The following PSG6 variants were observed in gnomAD, a reference collection of about 807,000 sequenced individuals.
PSG6 encodes pregnancy specific beta-1-glycoprotein 6, also known as pregnancy-specific beta-1-glycoprotein 6.
A neutral mutation model predicts 43.3 loss-of-function variants in PSG6; 51 were observed. That is an observed-to-expected ratio of 1.18 (90% CI 0.94 to 1.49). The LOEUF (loss-of-function observed/expected upper bound fraction) is 1.49. PSG6 is among the 40% of genes most tolerant of loss of function. The pLI is 0.00. For synonymous variants in PSG6, 292 were observed against 197.6 expected (o/e 1.48, Z -4.01); for missense variants, 770 against 522.2 (o/e 1.47, Z -4.62).
chr19:42,903,771 T>A (rs1289809716), intron 5 of PSG6: 1 of 1,495,104 alleles, frequency 6.7e-7, no homozygotes, highest in Non-Finnish European at 8.9e-7. Context: ...CATGCACCTG[T>A]AGTCCTAGCA....
chr19:42,907,268 A>G (rs1972132686), intron 4 of PSG6, 92 bp from the exon 5 acceptor site: 8 of 1,532,802 alleles, frequency 5.2e-6, no homozygotes, highest in African/African-American at 4.2e-5. Flanking sequence ...CCTCTGAACC[A>G]AGACACAACC....
chr19:42,906,685 G>A, intron 5 of PSG6: 1 of 1,444,242 alleles, frequency 6.9e-7, no homozygotes. Flanking sequence ...GCTCAGGGCT[G>A]ATAAAGCCCC....
At chr19:42,905,440 A>G (rs1342354352) in intron 5 of PSG6, among the ~76,000 whole-genome samples, 1 of 151,750 alleles carries the variant, frequency 6.6e-6, no homozygotes, top group Non-Finnish European at 1.5e-5. Context: ...TTCCAAGTAG[A>G]TGGAAAAATT....
Position 42,910,769 on chromosome 19 carries a change from G to A in PSG6, c.517C>T (p.Pro173Ser), listed in dbSNP as rs771944921. 3 of 1,612,332 alleles carry A rather than the reference G, an allele frequency of 1.9e-6. No individual in the cohort carries two copies. Among genetic ancestry groups the A allele is most frequent in the Non-Finnish European group, 2.5e-6 (3 of 1,179,242 alleles). ...AGCAACCACAGGTAGCTTGCATCCG[G>A]AGTCTCAGGATCACAGATTAAGCGC... ...AVRLICDPETPDASYLWLLNG... is the reference protein window; with the variant it reads ...AVRLICDPETSDASYLWLLNG... The change falls in exon 3 of 6, where the codon CCG becomes TCG. Residue 173 changes from proline (P) to serine (S), a missense_variant. Transcript: ENST00000187910.
rs557122221 is a variant in PSG6, at chr19:42,906,571, A to T, written c.1240+351T>A. The stretch of plus-strand genomic sequence containing the variant: ...GTAGCTCATGGAATAGGTACAAGAA[A>T]ACAAAGACATGGCAGAAGGGGATGT... On this transcript the variant is annotated intron_variant, in intron 5 of 5. Coordinates refer to ENST00000187910, the MANE Select transcript of PSG6 (RefSeq NM_001031850.4). 69 of 1,325,820 alleles carry T rather than the reference A, an allele frequency of 5.2e-5. 1 individual carries two copies. The East Asian group carries it at 1.7e-3, about 32-fold the overall frequency. 82.1% of individuals were successfully genotyped at this position (1,325,820 alleles called of 1,614,324 possible). A position where few individuals can be genotyped will look rare whatever the true frequency, so the allele number is the denominator to read the frequency against.
chr19:42,917,099 G>GT lies in PSG6; in HGVS notation c.65-613dup, dbSNP rs796843068. Reference sequence around the variant, plus strand: ...TGTTTTTTTTCCCCCAATTGTTGAGGTTTTTTGCTGAGGAAAGTGTTTCAT... The same window carrying GT: ...TGTTTTTTTTCCCCCAATTGTTGAGGTTTTTTTGCTGAGGAAAGTGTTTCAT... On this transcript the variant is annotated intron_variant, in intron 1 of 5. Coordinates refer to ENST00000187910, the MANE Select transcript of PSG6 (RefSeq NM_001031850.4). 5.3e-3 allele frequency among the ~76,000 whole-genome samples: 802 copies of GT among 151,326 alleles called. 16 individuals are homozygous for GT. The highest frequency in any genetic ancestry group is 0.019 in the African/African-American group (765 of 41,196).
chr19:42,916,407 T>C lies in PSG6; in HGVS notation c.145A>G (p.Lys49Glu). 1 of 1,612,064 alleles carries C rather than the reference T, an allele frequency of 6.2e-7. No individual in the cohort carries two copies. The highest frequency in any genetic ancestry group is 8.5e-7 in the Non-Finnish European group (1 of 1,179,098). ...EAKPPKVSEG[K>E]DVLLLVHNLP... is the part of the protein sequence containing the mutation. ...TTGTGGACAAGTAGAAGAACATCCTTCCCCTCGGAAACTTTGGGTGGCTTG... is the reference window on the plus strand; with the variant it reads ...TTGTGGACAAGTAGAAGAACATCCTCCCCCTCGGAAACTTTGGGTGGCTTG... Residue 49 changes from lysine to glutamate, a missense_variant, in exon 2 of 6, where the codon AAG becomes GAG. Physicochemically the swap from Lys to Glu is moderately conservative, Grantham distance 56. Transcript: ENST00000187910.
In PSG6 at chr19:42,906,840, C is replaced by G. The variant is rs541602604; in HGVS notation, c.1240+82G>C. 57 of 1,608,860 alleles carry G rather than the reference C, an allele frequency of 3.5e-5. 2 individuals are homozygous for G. Among genetic ancestry groups the G allele is most frequent in the Non-Finnish European group, 4.7e-5 (55 of 1,177,470 alleles). ...GCCCATGGGACACAGTCTGGGAATA[C>G]AAATGTTTTCCTGACTCTTCTCTGA... is the stretch of plus-strand genomic sequence containing the variant. On this transcript the variant is annotated intron_variant, in intron 5 of 5. Transcript: ENST00000187910.
chr19:42,903,499 C>T (rs1363042016), intron 5 of PSG6: 1 of 1,052,008 alleles, frequency 9.5e-7, no homozygotes, highest in South Asian at 2.3e-5. Flanking sequence ...ATTACTGAAA[C>T]CAAAAGTTGA....
chr19:42,917,194 G>A (rs901181709), intron 1 of PSG6, among the ~76,000 whole-genome samples: 3 of 151,046 alleles, frequency 2.0e-5, no homozygotes, highest in Admixed American at 6.6e-5. Flanking sequence ...AAATGTGGTG[G>A]CCCCTGATGA....
chr19:42,903,476 C>G (rs544482559), intron 5 of PSG6: 1 of 751,346 alleles, frequency 1.3e-6, no homozygotes, highest in Non-Finnish European at 2.0e-6. Flanking sequence ...AGAATGGAAA[C>G]AGAATAGAGG....
intron 3 of PSG6, chr19:42,910,258 A>C: frequency 1.8e-6 from 1 of 543,722 alleles, no homozygotes; most frequent in South Asian, 2.2e-5. Context: ...AGTCACAGTG[A>C]CCCTGTGAGC....
At chr19:42,912,497 C>G (rs1461635859) in intron 2 of PSG6, among the ~76,000 whole-genome samples, 1 of 151,626 alleles carries the variant, frequency 6.6e-6, no homozygotes, top group Non-Finnish European at 1.5e-5. Context: ...ATTAGCAACT[C>G]CTTAAGTAGA....
chr19:42,917,617 C>T lies in PSG6; in HGVS notation c.64+112G>A, dbSNP rs141274363. ...TGATCTCGTGATCCACCCACCTCAG[C>T]CTCCCTAAGTGCTGGCTTCTTTTAT... On this transcript the variant is annotated intron_variant, in intron 1 of 5. Coordinates refer to ENST00000187910, the MANE Select transcript of PSG6 (RefSeq NM_001031850.4). The T allele has an allele frequency of 4.1e-4, 606 of 1,485,224 alleles. 25 individuals are homozygous for T. In the East Asian group the frequency reaches 0.014, roughly 34 times the overall value. 92.0% of individuals were successfully genotyped at this position (1,485,224 alleles called of 1,614,324 possible).
rs1381520329 is a variant in PSG6, at chr19:42,903,219, T to G, written c.1241-773A>C. ...TGGCATCTTGTTTCATTGACTGCATTAAACCTTTAAAAGAATGGTATGAAG... is the reference window on the plus strand; with the variant it reads ...TGGCATCTTGTTTCATTGACTGCATGAAACCTTTAAAAGAATGGTATGAAG... On this transcript the variant is annotated intron_variant, in intron 5 of 5. Transcript: ENST00000187910. 1.2e-4 allele frequency among the ~76,000 whole-genome samples: 18 copies of G among 151,604 alleles called. 1 individual carries two copies. The highest frequency in any genetic ancestry group is 1.9e-4 in the African/African-American group (8 of 41,262).
intron 1 of PSG6, among the ~76,000 whole-genome samples, chr19:42,916,704 C>T (rs1187388506): frequency 6.6e-6 from 1 of 150,698 alleles, no homozygotes; most frequent in Non-Finnish European, 1.5e-5. Context: ...AGCATGACCC[C>T]CATTCCTTCA....
intron 5 of PSG6, chr19:42,903,500 C>T (rs1290745333): frequency 1.0e-5 from 11 of 1,062,530 alleles, no homozygotes; most frequent in Non-Finnish European, 1.4e-5. Flanking sequence ...TTACTGAAAC[C>T]AAAAGTTGAT....
intron 3 of PSG6, among the ~76,000 whole-genome samples, chr19:42,908,101 A>G (rs1796209402): frequency 6.6e-6 from 1 of 151,698 alleles, no homozygotes; most frequent in Non-Finnish European, 1.5e-5. Flanking sequence ...GGTCATGGAC[A>G]GACACGTCAG....
At position 42,916,440 on chromosome 19, in the gene PSG6, T is replaced by C. The variant is rs1972335073; in HGVS notation, c.112A>G (p.Ile38Val). The change falls in exon 2 of 6, where the codon ATT becomes GTT. Residue 38 changes from isoleucine to valine, a missense_variant. Transcript: ENST00000187910. ...WNLPTTAQVI[I>V]EAKPPKVSEG... is the part of the protein sequence containing the mutation. ...GAAACTTTGGGTGGCTTGGCTTCAA[T>C]TATTACTTGGGCAGTGGTGGGCAGG... is the stretch of plus-strand genomic sequence containing the variant. 6.2e-7 allele frequency: 1 copy of C among 1,611,840 alleles called. No individual in the cohort carries two copies. The highest frequency in any genetic ancestry group is 1.3e-5 in the African/African-American group (1 of 74,640).
Sources: gnomAD v4.1 joint callset for allele counts (sites outside exome capture counted in the v4.1 genomes callset) on GRCh38, gnomAD v4.1.1 for gene constraint, MANE v1.5 for transcripts, NCBI Gene and HGNC (gene_info 2026-07-23, HGNC 2026-07-21) for gene names.